RANBP17: variants seen among roughly 807,000 people sequenced by gnomAD.
RANBP17 encodes the protein RAN binding protein 17.
In RANBP17, 158 loss-of-function variants were observed where a neutral mutation model predicts 141.2. That is an observed-to-expected ratio of 1.12 (90% CI 0.98 to 1.28). The LOEUF (loss-of-function observed/expected upper bound fraction) is 1.28. Ranked by LOEUF, RANBP17 falls within the 50% of genes most tolerant of loss-of-function variation. RANBP17 has a pLI of 0.00. For missense variants in RANBP17, 1,438 were observed against 1,290.7 expected (o/e 1.11, Z -1.75); for synonymous variants, 430 against 450.0 (o/e 0.96, Z 0.56).
At position 171,150,183 on chromosome 5, in the gene RANBP17, ACT is replaced by A. The variant is rs375777401; in HGVS notation, c.1711-19944_1711-19943del. On this transcript the variant is annotated intron_variant, in intron 14 of 27. Coordinates refer to ENST00000523189, the MANE Select transcript of RANBP17 (RefSeq NM_022897.5). ...TCACAGTAAGCTGGGAATCTATACCACTCTTTAAAAACTTTGTGTTTTTAGGG... is the reference window on the plus strand; with the variant it reads ...TCACAGTAAGCTGGGAATCTATACCACTTTAAAAACTTTGTGTTTTTAGGG... Among the ~76,000 whole-genome samples the A allele has an allele frequency of 9.0e-3, 1,373 of 152,214 alleles. 20 individuals are homozygous for A. The highest frequency in any genetic ancestry group is 0.025 in the South Asian group (119 of 4,816).
At chr5:171,091,697 G>A (rs1786292968) in intron 14 of RANBP17, among the ~76,000 whole-genome samples, 1 of 152,194 alleles carries the variant, frequency 6.6e-6, no homozygotes, top group Admixed American at 6.5e-5. Flanking sequence ...TTCCCATGCT[G>A]TTCTCATGAT....
intron 25 of RANBP17, among the ~76,000 whole-genome samples, chr5:171,270,302 A>G (rs1281066654): frequency 6.6e-6 from 1 of 152,238 alleles, no homozygotes; most frequent in African/African-American, 2.4e-5. Flanking sequence ...TTTAGTCCAT[A>G]TGAAGATCCA....
At chr5:171,219,507 C>G (rs1300728141) in intron 21 of RANBP17, among the ~76,000 whole-genome samples, 1 of 152,102 alleles carries the variant, frequency 6.6e-6, no homozygotes, top group Non-Finnish European at 1.5e-5. Flanking sequence ...TTCCATTCTC[C>G]TCATCACTTT....
chr5:171,151,731 C>T (rs972720511), intron 14 of RANBP17, among the ~76,000 whole-genome samples: 1 of 152,106 alleles, frequency 6.6e-6, no homozygotes, highest in Non-Finnish European at 1.5e-5. Context: ...CAGTGGTAAT[C>T]GCCTCCTTCA....
At chr5:171,289,302 T>C (rs975098948) in intron 25 of RANBP17, among the ~76,000 whole-genome samples, 5 of 152,282 alleles carry the variant, frequency 3.3e-5, no homozygotes, top group Non-Finnish European at 7.4e-5. Flanking sequence ...TCCTGCTCTT[T>C]GATAAGGTCC....
intron 13 of RANBP17, among the ~76,000 whole-genome samples, chr5:170,966,238 C>A: frequency 1.3e-5 from 2 of 151,710 alleles, no homozygotes; most frequent in Middle Eastern, 6.8e-3. Context: ...GAGACACAAC[C>A]AAAAAAGAGA....
intron 5 of RANBP17, among the ~76,000 whole-genome samples, chr5:170,905,699 T>G (rs1296514252): frequency 6.6e-6 from 1 of 152,130 alleles, no homozygotes; most frequent in African/African-American, 2.4e-5. Context: ...TCTAAAGAAC[T>G]GTAGCTTCCT....
At chr5:171,204,506 A>G (rs779216838) in intron 19 of RANBP17, among the ~76,000 whole-genome samples, 6 of 152,206 alleles carry the variant, frequency 3.9e-5, no homozygotes, top group Non-Finnish European at 8.8e-5. Context: ...AAAAAAGTTC[A>G]GAGACCATTT....
At chr5:171,235,194 T>G (rs2127992085) in intron 22 of RANBP17, among the ~76,000 whole-genome samples, 1 of 152,182 alleles carries the variant, frequency 6.6e-6, no homozygotes, top group South Asian at 2.1e-4. Context: ...CAGAAGTCAC[T>G]AGTAACCTTG....
At chr5:170,933,986 G>T (rs374984456) in intron 12 of RANBP17, among the ~76,000 whole-genome samples, 19 of 152,190 alleles carry the variant, frequency 1.2e-4, no homozygotes, top group Middle Eastern at 6.8e-3. Context: ...TTTCTGTCTC[G>T]TTGATCTGTG....
At chr5:171,065,643 C>T (rs148675561) in intron 14 of RANBP17, among the ~76,000 whole-genome samples, 7 of 151,908 alleles carry the variant, frequency 4.6e-5, no homozygotes, top group African/African-American at 1.7e-4. Flanking sequence ...TTTGAGATAC[C>T]AGTTTTATCA....
intron 25 of RANBP17, chr5:171,271,574 G>A: frequency 4.8e-6 from 1 of 209,396 alleles, no homozygotes; most frequent in Admixed American, 5.9e-5. Context: ...TGTTAATAAA[G>A]ACATTTCCAG....
intron 14 of RANBP17, among the ~76,000 whole-genome samples, chr5:171,149,774 C>G (rs534898461): frequency 6.6e-6 from 1 of 152,270 alleles, no homozygotes; most frequent in African/African-American, 2.4e-5. Context: ...ATCTATGGAA[C>G]GTGTCTTACT....
chr5:170,884,315 A>G (rs895364349), intron 3 of RANBP17, among the ~76,000 whole-genome samples: 3 of 152,198 alleles, frequency 2.0e-5, no homozygotes, highest in Non-Finnish European at 2.9e-5. Context: ...TGACTCCCCC[A>G]AAACTTAACT....
rs903097574 is a variant in RANBP17, at chr5:170,916,726, T to TC, written c.954+142_954+143insC. The TC allele has an allele frequency of 5.2e-5, 28 of 536,080 alleles. No individual in the cohort carries two copies. The African/African-American group carries it at 5.5e-4, about 11-fold the overall frequency. The allele number at this position is 536,080 out of a possible 1,614,324, so 33.2% of individuals were successfully genotyped here. A position where few individuals can be genotyped will look rare whatever the true frequency, so the allele number is the denominator to read the frequency against. On this transcript the variant is annotated intron_variant, in intron 9 of 27. Coordinates refer to ENST00000523189, the MANE Select transcript of RANBP17 (RefSeq NM_022897.5). Reference sequence around the variant, plus strand: ...TATATCTTCCTTAGAGCTTTTTTTTTTTTTTTTGAGATCAAGTCTTGCTCT... The same window carrying TC: ...TATATCTTCCTTAGAGCTTTTTTTTTCTTTTTTTGAGATCAAGTCTTGCTCT...
intron 22 of RANBP17, among the ~76,000 whole-genome samples, chr5:171,239,668 A>C (rs1764741151): frequency 6.6e-6 from 1 of 152,170 alleles, no homozygotes; most frequent in African/African-American, 2.4e-5. Flanking sequence ...GAACTATGAA[A>C]GGATTAGGGG....
chr5:171,265,249 T>C (rs1170773455), intron 24 of RANBP17, among the ~76,000 whole-genome samples: 2 of 152,162 alleles, frequency 1.3e-5, no homozygotes, highest in East Asian at 3.8e-4. Flanking sequence ...TAAGACAAAT[T>C]CCTGGCTGGA....
At chr5:170,979,525 C>A (rs547328114) in intron 14 of RANBP17, among the ~76,000 whole-genome samples, 57 of 152,162 alleles carry the variant, frequency 3.7e-4, no homozygotes, top group Non-Finnish European at 7.6e-4. Flanking sequence ...TGGGAGGGAC[C>A]CAGTGAGAGG....
At chr5:171,288,987 A>G (rs539720911) in intron 25 of RANBP17, among the ~76,000 whole-genome samples, 1 of 152,372 alleles carries the variant, frequency 6.6e-6, no homozygotes, top group South Asian at 2.1e-4. Context: ...AGTTTTAGTC[A>G]TAGATTAAGA....
Sources: allele counts gnomAD v4.1 joint callset (sites outside exome capture counted in the v4.1 genomes callset), GRCh38; gene constraint gnomAD v4.1.1; transcripts MANE v1.5; gene names NCBI Gene and HGNC (gene_info 2026-07-23, HGNC 2026-07-21).